The following SLC22A23 variants were observed in gnomAD, a reference collection of about 807,000 sequenced individuals.
SLC22A23 encodes solute carrier family 22 member 23, also known as ion transporter protein.
SLC22A23 carries 26 observed loss-of-function variants against 61.0 expected under a neutral mutation model. That is an observed-to-expected ratio of 0.43 (90% CI 0.31 to 0.59). The LOEUF is 0.59. Among genes scored for constraint, SLC22A23 ranks in the 20% least tolerant of loss-of-function variants. The probability of loss-of-function intolerance (pLI) is 0.11; values close to 1 mark genes in which losing one functional copy is unlikely to be tolerated. For missense variants in SLC22A23, 796 were observed against 934.7 expected (o/e 0.85, Z 1.94); for synonymous variants, 430 against 413.9 (o/e 1.04, Z -0.47).
chr6:3,329,382 G>T lies in SLC22A23; in HGVS notation c.914-5380C>A, dbSNP rs1269753358. On this transcript the variant is annotated intron_variant, in intron 3 of 9. Coordinates refer to ENST00000406686, the MANE Select transcript of SLC22A23 (RefSeq NM_015482.2). The surrounding 1 kb of genome is among the most constrained non-coding windows in gnomAD (Gnocchi z 4.8). ...CATAGAGAGAATATACATTTTCTTGGGATTGCTAAGTGCTCCTGGCTTCTC... is the reference window on the plus strand; with the variant it reads ...CATAGAGAGAATATACATTTTCTTGTGATTGCTAAGTGCTCCTGGCTTCTC... 6.6e-6 allele frequency among the ~76,000 whole-genome samples: 1 copy of T among 152,162 alleles called. No individual in the cohort carries two copies. The highest frequency in any genetic ancestry group is 2.4e-5 in the African/African-American group (1 of 41,420).
chr6:3,455,647 G>T (rs958607874), intron 1 of SLC22A23, among the ~76,000 whole-genome samples: 1 of 152,244 alleles, frequency 6.6e-6, no homozygotes, highest in Admixed American at 6.5e-5. Context: ...GCCTCGCCCC[G>T]AGGGTGGGGG....
intron 1 of SLC22A23, among the ~76,000 whole-genome samples, chr6:3,444,421 C>T (rs927433921): frequency 2.6e-5 from 4 of 152,254 alleles, no homozygotes; most frequent in Non-Finnish European, 5.9e-5. Flanking sequence ...CGTTTGCTCT[C>T]TGAGCTCTGC....
In SLC22A23 at chr6:3,355,884, T is replaced by TA. The variant is rs1465164293; in HGVS notation, c.914-31883_914-31882insT. On this transcript the variant is annotated intron_variant, in intron 3 of 9. Coordinates refer to ENST00000406686, the MANE Select transcript of SLC22A23 (RefSeq NM_015482.2). ...AGCCACTGGATATAACGCTGAGGTATTAAAAAAAGAAGGAAGTTCAGAAAA... is the reference window on the plus strand; with the variant it reads ...AGCCACTGGATATAACGCTGAGGTATATAAAAAAAGAAGGAAGTTCAGAAAA... 9.9e-4 allele frequency among the ~76,000 whole-genome samples: 147 copies of TA among 148,396 alleles called. 1 individual carries two copies. The highest frequency in any genetic ancestry group is 5.4e-4 in the Non-Finnish European group (36 of 67,276).
chr6:3,358,237 T>C (rs2127444354), intron 3 of SLC22A23, among the ~76,000 whole-genome samples: 1 of 152,264 alleles, frequency 6.6e-6, no homozygotes, highest in East Asian at 1.9e-4. Context: ...TCCAAAAGAA[T>C]TGAAATTAGG....
chr6:3,439,361 G>GA (rs35613438), intron 1 of SLC22A23: 276,758 of 450,524 alleles, frequency 0.61, 86,680 homozygotes, highest in South Asian at 0.78. Flanking sequence ...AGGCATTTCT[G>GA]AAAGTTCCCC....
At position 3,387,270 on chromosome 6, in the gene SLC22A23, GACGTCAGAGCTCCTGCCTCGAT is replaced by G. The variant is rs1767371473; in HGVS notation, c.913+22896_913+22917del. 6.6e-6 allele frequency among the ~76,000 whole-genome samples: 1 copy of G among 152,366 alleles called. No individual in the cohort carries two copies. Among genetic ancestry groups the G allele is most frequent in the South Asian group, 2.1e-4 (1 of 4,830 alleles). On this transcript the variant is annotated intron_variant, in intron 3 of 9. Coordinates refer to ENST00000406686, the MANE Select transcript of SLC22A23 (RefSeq NM_015482.2). This position sits in a 1 kb window ranked among gnomAD's most constrained non-coding sequence, Gnocchi z 5.0. ...AGCGTGACCAGTGACAGCTCACGCTGACGTCAGAGCTCCTGCCTCGATACGACGCCATGAGCAGGGTGGTGCT... is the reference window on the plus strand; with the variant it reads ...AGCGTGACCAGTGACAGCTCACGCTGACGACGCCATGAGCAGGGTGGTGCT...
rs1462186313 is a variant in SLC22A23, at chr6:3,333,495, GC to G, written c.914-9494del. Among the ~76,000 whole-genome samples the G allele has an allele frequency of 1.3e-5, 2 of 151,886 alleles. No homozygotes were observed. Among genetic ancestry groups the G allele is most frequent in the African/African-American group, 4.8e-5 (2 of 41,344 alleles). On this transcript the variant is annotated intron_variant, in intron 3 of 9. Transcript: ENST00000406686. This position sits in a 1 kb window ranked among gnomAD's most constrained non-coding sequence, Gnocchi z 4.1. ...CCATCGCTCCACTTCAGCCACACTG[GC>G]CTCCCTGCTGCTCCTCTAACCCAGC...
At chr6:3,424,828 C>A (rs1770381283) in intron 1 of SLC22A23, among the ~76,000 whole-genome samples, 2 of 152,226 alleles carry the variant, frequency 1.3e-5, no homozygotes, top group Non-Finnish European at 2.9e-5. Context: ...ACAGAGCCCA[C>A]ATGGCCTGCA....
intron 3 of SLC22A23, among the ~76,000 whole-genome samples, chr6:3,338,868 G>A (rs1162415671): frequency 6.6e-6 from 1 of 152,216 alleles, no homozygotes; most frequent in Non-Finnish European, 1.5e-5. Context: ...GAGAACATTA[G>A]CTCCTTCTAG....
intron 1 of SLC22A23, among the ~76,000 whole-genome samples, chr6:3,452,282 A>T (rs899545051): frequency 1.1e-4 from 16 of 152,268 alleles, no homozygotes; most frequent in African/African-American, 3.6e-4. Context: ...GTGTTCACTG[A>T]CTTAAAATCC....
At chr6:3,343,612 C>T (rs1764269527) in intron 3 of SLC22A23, among the ~76,000 whole-genome samples, 1 of 152,202 alleles carries the variant, frequency 6.6e-6, no homozygotes, top group African/African-American at 2.4e-5. Context: ...TCAATGAGGG[C>T]TCTCTCCCAT....
At position 3,410,292 on chromosome 6, in the gene SLC22A23, A is replaced by G. The variant is rs1167257937; in HGVS notation, c.809T>C (p.Phe270Ser). ...LLFSIIFILIFGLTVALSVNV... is the reference protein window; with the variant it reads ...LLFSIIFILISGLTVALSVNV... Reference sequence around the variant, plus strand: ...CACTGACAGTGCCACAGTCAGTCCAAAGATCAGAATGAAGATGATGGAAAA... The same window carrying G: ...CACTGACAGTGCCACAGTCAGTCCAGAGATCAGAATGAAGATGATGGAAAA... Residue 270 changes from phenylalanine to serine, a missense_variant, in exon 3 of 10, where the codon TTT becomes TCT. Transcript: ENST00000406686. This position sits in a 1 kb window ranked among gnomAD's most constrained non-coding sequence, Gnocchi z 5.0. The G allele has an allele frequency of 6.2e-7, 1 of 1,613,842 alleles. No individual in the cohort carries two copies. Among genetic ancestry groups the G allele is most frequent in the South Asian group, 1.1e-5 (1 of 90,996 alleles).
At chr6:3,275,780 C>T (rs1016868057) in intron 9 of SLC22A23, among the ~76,000 whole-genome samples, 13 of 152,190 alleles carry the variant, frequency 8.5e-5, no homozygotes, top group Non-Finnish European at 1.3e-4. Flanking sequence ...GTCGGGGTTT[C>T]GCTGTGTTAG....
In SLC22A23 at chr6:3,360,194, TA is replaced by T. The variant is rs1765348680; in HGVS notation, c.914-36193del. ...GAGATGAAGGGTGGTGATGGCTGTGTAAAAATGTGAATTACTTAATGCCACT... is the reference window on the plus strand; with the variant it reads ...GAGATGAAGGGTGGTGATGGCTGTGTAAAATGTGAATTACTTAATGCCACT... On this transcript the variant is annotated intron_variant, in intron 3 of 9. Coordinates refer to ENST00000406686, the MANE Select transcript of SLC22A23 (RefSeq NM_015482.2). This position sits in a 1 kb window ranked among gnomAD's most constrained non-coding sequence, Gnocchi z 4.6. Among the ~76,000 whole-genome samples, 3 of 152,198 alleles carry T rather than the reference TA, an allele frequency of 2.0e-5. No individual in the cohort carries two copies. Among genetic ancestry groups the T allele is most frequent in the Non-Finnish European group, 4.4e-5 (3 of 68,038 alleles).
chr6:3,432,985 T>G (rs1462870588), intron 1 of SLC22A23, among the ~76,000 whole-genome samples: 10 of 152,200 alleles, frequency 6.6e-5, no homozygotes, highest in Admixed American at 6.5e-4. Context: ...CCCTACAAGC[T>G]GGGGCTTTGT....
chr6:3,278,075 G>A (rs1165675862), intron 9 of SLC22A23, among the ~76,000 whole-genome samples: 1 of 152,208 alleles, frequency 6.6e-6, no homozygotes, highest in Non-Finnish European at 1.5e-5. Context: ...GAGAGACCTG[G>A]AGCAGAGGAC....
Position 3,410,794 on chromosome 6 carries a change from T to A in SLC22A23, c.759-452A>T, listed in dbSNP as rs1243029128. 2.0e-5 allele frequency among the ~76,000 whole-genome samples: 3 copies of A among 152,206 alleles called. No individual in the cohort carries two copies. The highest frequency in any genetic ancestry group is 4.4e-5 in the Non-Finnish European group (3 of 68,028). ...GCGGCTTTGTTTCCTCTCCCCAGGT[T>A]GTTAACTAAGTCAGATACCTGATCC... On this transcript the variant is annotated intron_variant, in intron 2 of 9. Coordinates refer to ENST00000406686, the MANE Select transcript of SLC22A23 (RefSeq NM_015482.2). The surrounding 1 kb of genome is among the most constrained non-coding windows in gnomAD (Gnocchi z 5.0).
intron 3 of SLC22A23, among the ~76,000 whole-genome samples, chr6:3,369,502 C>A (rs938936366): frequency 2.6e-5 from 4 of 152,046 alleles, no homozygotes; most frequent in Non-Finnish European, 5.9e-5. Context: ...ACCAGCCTGG[C>A]CAACATGGTG....
rs144526031 is a variant in SLC22A23 at position 3,274,388 on chromosome 6, A to G, written c.1704-976T>C. On this transcript the variant is annotated intron_variant, in intron 9 of 9. Coordinates refer to ENST00000406686, the MANE Select transcript of SLC22A23 (RefSeq NM_015482.2). ...GGTAGGCAGAGGTGGCCTTGTCTCA[A>G]GGAAGAGGGAGTGGAGTTGTGTGCC... Among the ~76,000 whole-genome samples the G allele has an allele frequency of 3.9e-5, 6 of 152,296 alleles. No homozygotes were observed. The East Asian group carries it at 9.6e-4, about 24-fold the overall frequency.
Sources: allele counts gnomAD v4.1 joint callset (sites outside exome capture counted in the v4.1 genomes callset), GRCh38; gene constraint gnomAD v4.1.1; non-coding constraint Gnocchi (gnomAD v3.1); transcripts MANE v1.5; gene names NCBI Gene and HGNC (gene_info 2026-07-23, HGNC 2026-07-21).